The following LGR5 variants were observed in gnomAD, a reference collection of about 807,000 sequenced individuals.
The protein encoded by LGR5 is leucine-rich repeat-containing G protein-coupled receptor 5.
Under a neutral mutation model 76.7 loss-of-function variants are expected in LGR5, and 54 were observed. That is an observed-to-expected ratio of 0.70 (90% CI 0.57 to 0.88). The LOEUF is 0.88. LGR5 is among the 40% of genes least tolerant of loss of function. The pLI, the probability that LGR5 is intolerant of heterozygous loss-of-function variation, is 0.00. For synonymous variants in LGR5, 406 were observed against 421.9 expected (o/e 0.96, Z 0.46); for missense variants, 1,078 against 1,073.3 (o/e 1.00, Z -0.06).
intron 4 of LGR5, among the ~76,000 whole-genome samples, chr12:71,552,496 T>G (rs1452927967): frequency 6.9e-6 from 1 of 144,664 alleles, no homozygotes; most frequent in Admixed American, 7.1e-5. Flanking sequence ...ACCCGGGAGG[T>G]GGAGGTTGCA....
At chr12:71,563,157 C>T (rs745665134) in intron 8 of LGR5, among the ~76,000 whole-genome samples, 1 of 152,148 alleles carries the variant, frequency 6.6e-6, no homozygotes, top group Admixed American at 6.5e-5. Flanking sequence ...GACCTCCTAT[C>T]CACTATTTGA....
intron 1 of LGR5, among the ~76,000 whole-genome samples, chr12:71,448,086 C>CACACACACACACACAA (rs1555209833): frequency 1.6e-5 from 2 of 123,312 alleles, no homozygotes; most frequent in African/African-American, 7.0e-5. Flanking sequence ...CACACACAAA[C>CACACACACACACACAA]ACACACACAC....
chr12:71,515,366 T>G (rs576736593), intron 2 of LGR5, among the ~76,000 whole-genome samples: 4 of 152,362 alleles, frequency 2.6e-5, no homozygotes, highest in African/African-American at 7.2e-5. Flanking sequence ...ATCATAGTTT[T>G]GGCTAACTTT....
intron 1 of LGR5, among the ~76,000 whole-genome samples, chr12:71,480,256 C>T (rs551841316): frequency 6.6e-5 from 10 of 150,400 alleles, no homozygotes; most frequent in Admixed American, 2.0e-4. Context: ...CCCAGCTGCT[C>T]GGGAGGCTGA....
chr12:71,458,052 A>G (rs1282505531), intron 1 of LGR5, among the ~76,000 whole-genome samples: 1 of 152,028 alleles, frequency 6.6e-6, no homozygotes, highest in South Asian at 2.1e-4. Flanking sequence ...TCCCAAACAC[A>G]TGTAGTCATT....
intron 3 of LGR5, among the ~76,000 whole-genome samples, chr12:71,526,787 C>T (rs547139377): frequency 1.3e-5 from 2 of 152,068 alleles, no homozygotes; most frequent in East Asian, 1.9e-4. Context: ...ATTTGGCTTC[C>T]TAGGAGAGAG....
chr12:71,566,459 C>T lies in LGR5; in HGVS notation c.913C>T (p.Pro305Ser). Residue 305 changes from proline (P) to serine (S), a missense_variant, in exon 9 of 18, where the codon CCT becomes TCT. Physicochemically the swap from Pro to Ser is moderately conservative, Grantham distance 74. Coordinates refer to ENST00000266674, the MANE Select transcript of LGR5 (RefSeq NM_003667.4). ...TGGGAGATCTGCTTTTCAACATTTA[C>T]CTGAACTAAGAACACTGTAAGTTTC... Reference protein sequence around the residue: ...FVGRSAFQHLPELRTLTLNGA... With the variant: ...FVGRSAFQHLSELRTLTLNGA... The T allele has an allele frequency of 6.2e-7, 1 of 1,604,332 alleles. No homozygotes were observed. The highest frequency in any genetic ancestry group is 8.5e-7 in the Non-Finnish European group (1 of 1,171,438).
chr12:71,547,995 C>T (rs910701543), intron 4 of LGR5, among the ~76,000 whole-genome samples: 10 of 152,038 alleles, frequency 6.6e-5, no homozygotes, highest in African/African-American at 2.2e-4. Context: ...CCCAAAAGGA[C>T]CATAAAGTGG....
rs903203441 is a variant in LGR5 at position 71,563,874 on chromosome 12, A to G, written c.857+2022A>G. ...AGTGTGTGTGTGTGTGTGTGTGTGTATATAGTGTGTATATATATACTGTGT... is the reference window on the plus strand; with the variant it reads ...AGTGTGTGTGTGTGTGTGTGTGTGTGTATAGTGTGTATATATATACTGTGT... On this transcript the variant is annotated intron_variant, in intron 8 of 17. Transcript: ENST00000266674. 6.3e-4 allele frequency among the ~76,000 whole-genome samples: 95 copies of G among 150,446 alleles called. 1 individual carries two copies. Among genetic ancestry groups the G allele is most frequent in the African/African-American group, 2.3e-3 (91 of 40,068 alleles).
At chr12:71,482,997 C>T (rs1873675491) in intron 1 of LGR5, among the ~76,000 whole-genome samples, 1 of 152,114 alleles carries the variant, frequency 6.6e-6, no homozygotes, top group South Asian at 2.1e-4. Context: ...TCTGACATTA[C>T]TGCACCCCTA....
intron 2 of LGR5, among the ~76,000 whole-genome samples, chr12:71,507,975 C>T (rs1291044495): frequency 6.6e-6 from 1 of 151,860 alleles, no homozygotes; most frequent in East Asian, 1.9e-4. Flanking sequence ...AATCCCAGCA[C>T]TTTCGGAGGC....
intron 1 of LGR5, among the ~76,000 whole-genome samples, chr12:71,452,643 G>A (rs1243114273): frequency 1.3e-5 from 2 of 152,182 alleles, no homozygotes; most frequent in African/African-American, 4.8e-5. Context: ...GCTTTTACAC[G>A]TAGTTCCTCA....
intron 1 of LGR5, among the ~76,000 whole-genome samples, chr12:71,489,308 G>T (rs762913700): frequency 6.6e-6 from 1 of 152,068 alleles, no homozygotes; most frequent in Non-Finnish European, 1.5e-5. Context: ...TGGCGTACAG[G>T]ACTTTTAAGA....
At chr12:71,556,234 C>T (rs1679764036) in intron 5 of LGR5, among the ~76,000 whole-genome samples, 5 of 151,952 alleles carry the variant, frequency 3.3e-5, no homozygotes. Flanking sequence ...GGCTTAATAC[C>T]TGGGTGATGA....
chr12:71,550,730 C>T (rs528588952), intron 4 of LGR5, among the ~76,000 whole-genome samples: 1 of 152,230 alleles, frequency 6.6e-6, no homozygotes, highest in Admixed American at 6.5e-5. Context: ...TTTCAAAGTG[C>T]TGGGATTACA....
upstream of LGR5, chr12:71,439,698 C>T: frequency 4.7e-6 from 1 of 212,092 alleles, no homozygotes. Context: ...GAAAGTGGGG[C>T]CGGGCGGGGG....
At chr12:71,539,351 T>C (rs990557346) in intron 4 of LGR5, among the ~76,000 whole-genome samples, 11 of 152,230 alleles carry the variant, frequency 7.2e-5, no homozygotes. Context: ...CTGAAATTGG[T>C]AACATTGCTG....
Position 71,440,062 on chromosome 12 carries a change from GC to G in LGR5, c.-14del. 1.3e-6 allele frequency: 2 copies of G among 1,598,156 alleles called. No homozygotes were observed. The highest frequency in any genetic ancestry group is 1.7e-6 in the Non-Finnish European group (2 of 1,178,808). Reference sequence around the variant, plus strand: ...GCTCTCCGCCCGCGTCCGGCTCGTGGCCCCCTACTTCGGGCACCATGGACAC... The same window carrying G: ...GCTCTCCGCCCGCGTCCGGCTCGTGGCCCCTACTTCGGGCACCATGGACAC... On this transcript the variant is annotated 5_prime_UTR_variant, in exon 1 of 18. Coordinates refer to ENST00000266674, the MANE Select transcript of LGR5 (RefSeq NM_003667.4). The surrounding 1 kb of genome is among the most constrained non-coding windows in gnomAD (Gnocchi z 5.3).
At chr12:71,526,557 TA>T (rs1379717505) in intron 3 of LGR5, among the ~76,000 whole-genome samples, 1 of 152,168 alleles carries the variant, frequency 6.6e-6, no homozygotes, top group East Asian at 1.9e-4. Context: ...AAATTAGCAT[TA>T]AACAAATTAT....
Sources: gnomAD v4.1 joint callset for allele counts (sites outside exome capture counted in the v4.1 genomes callset) on GRCh38, gnomAD v4.1.1 for gene constraint, Gnocchi (gnomAD v3.1) non-coding constraint, MANE v1.5 for transcripts, NCBI Gene and HGNC (gene_info 2026-07-23, HGNC 2026-07-21) for gene names.